Variants in FGGY observed in about 807,000 individuals in gnomAD.
The protein encoded by FGGY is FGGY carbohydrate kinase domain containing.
In FGGY, 72 loss-of-function variants were observed where a neutral mutation model predicts 71.3. The observed-to-expected ratio is 1.01, with a 90% CI of 0.84 to 1.23. The LOEUF is 1.23. Among genes scored for constraint, FGGY ranks in the 50% most tolerant of loss-of-function variants. FGGY has a pLI of 0.00. For missense variants in FGGY, 668 were observed against 682.3 expected (o/e 0.98, Z 0.23); for synonymous variants, 251 against 250.3 (o/e 1.00, Z -0.02).
intron 11 of FGGY, among the ~76,000 whole-genome samples, chr1:59,639,349 T>C (rs748133272): frequency 6.6e-6 from 1 of 152,222 alleles, no homozygotes; most frequent in Non-Finnish European, 1.5e-5. Context: ...CATTACCTAG[T>C]TGACATGATC....
chr1:59,384,948 T>G (rs1293350505), intron 5 of FGGY, among the ~76,000 whole-genome samples: 2 of 152,134 alleles, frequency 1.3e-5, no homozygotes, highest in Admixed American at 1.3e-4. Context: ...GAGATTGAAA[T>G]TTGGTGTTTA....
chr1:59,723,291 T>G (rs556388856), intron 14 of FGGY, among the ~76,000 whole-genome samples: 22 of 152,224 alleles, frequency 1.4e-4, no homozygotes, highest in African/African-American at 5.1e-4. Context: ...CTTTTTGATA[T>G]TAAGCTAAAC....
chr1:59,585,532 A>G (rs1209817701), intron 8 of FGGY, among the ~76,000 whole-genome samples: 1 of 152,240 alleles, frequency 6.6e-6, no homozygotes, highest in Non-Finnish European at 1.5e-5. Context: ...AAATGGATTA[A>G]AGACTTAAAT....
At chr1:59,353,006 C>G (rs1445604538) in intron 4 of FGGY, among the ~76,000 whole-genome samples, 2 of 152,100 alleles carry the variant, frequency 1.3e-5, no homozygotes, top group Non-Finnish European at 2.9e-5. Flanking sequence ...TTAATAGTAG[C>G]ACTAATACAA....
chr1:59,746,335 A>G (rs1466262251), intron 14 of FGGY, among the ~76,000 whole-genome samples: 3 of 152,174 alleles, frequency 2.0e-5, no homozygotes, highest in Non-Finnish European at 4.4e-5. Flanking sequence ...ACCTTCCCCA[A>G]CCCACCTGAA....
chr1:59,423,077 T>C (rs1245868214), intron 5 of FGGY, among the ~76,000 whole-genome samples: 2 of 152,136 alleles, frequency 1.3e-5, no homozygotes, highest in Non-Finnish European at 2.9e-5. Context: ...TCCAGAGGAT[T>C]GTGTAGCAGG....
At chr1:59,434,919 G>A (rs1036489506) in intron 5 of FGGY, among the ~76,000 whole-genome samples, 4 of 152,158 alleles carry the variant, frequency 2.6e-5, no homozygotes, top group Non-Finnish European at 5.9e-5. Flanking sequence ...CTCTGCATCA[G>A]CTAAACAAAA....
chr1:59,323,760 A>G (rs2046827883), intron 2 of FGGY, among the ~76,000 whole-genome samples: 1 of 152,220 alleles, frequency 6.6e-6, no homozygotes, highest in African/African-American at 2.4e-5. Context: ...TGTTGTGAGG[A>G]TTAAATGAAT....
chr1:59,472,049 C>T lies in FGGY; in HGVS notation c.670+14973C>T, dbSNP rs551264368. 2.0e-4 allele frequency among the ~76,000 whole-genome samples: 30 copies of T among 152,380 alleles called. No individual in the cohort carries two copies. In the East Asian group the frequency reaches 3.5e-3, roughly 18 times the overall value. On this transcript the variant is annotated intron_variant, in intron 6 of 15. Coordinates refer to ENST00000303721, the MANE Select transcript of FGGY (RefSeq NM_018291.5). Reference sequence around the variant, plus strand: ...TTGGCGGCACTTGAGCCCTTCAGCCCGCCGCTGCACTGTGGGAGCCCCTTT... The same window carrying T: ...TTGGCGGCACTTGAGCCCTTCAGCCTGCCGCTGCACTGTGGGAGCCCCTTT...
chr1:59,636,348 G>A (rs1041572274), intron 10 of FGGY, among the ~76,000 whole-genome samples: 6 of 152,170 alleles, frequency 3.9e-5, no homozygotes, highest in African/African-American at 1.4e-4. Context: ...CTGGACGGGT[G>A]TGGTGGCTCA....
At chr1:59,585,347 G>C (rs915446517) in intron 8 of FGGY, among the ~76,000 whole-genome samples, 1 of 152,114 alleles carries the variant, frequency 6.6e-6, no homozygotes, top group Non-Finnish European at 1.5e-5. Flanking sequence ...ACAGAACAGA[G>C]CCCTCAGAAA....
intron 11 of FGGY, among the ~76,000 whole-genome samples, chr1:59,642,960 G>A (rs560389712): frequency 4.6e-5 from 7 of 151,148 alleles, no homozygotes; most frequent in Admixed American, 3.3e-4. Context: ...GCGAGAACCT[G>A]GGGGGTGGAG....
chr1:59,536,269 A>G lies in FGGY; in HGVS notation c.800-17855A>G, dbSNP rs554854359. On this transcript the variant is annotated intron_variant, in intron 7 of 15. Transcript: ENST00000303721. ...TCCTCGACACATACACTTTCCCAAG[A>G]CTAAACCAGGAAGAAGTTGAATCTC... Among the ~76,000 whole-genome samples the G allele has an allele frequency of 1.7e-3, 264 of 152,284 alleles. 1 individual carries two copies. The highest frequency in any genetic ancestry group is 3.4e-3 in the Middle Eastern group (1 of 294).
intron 11 of FGGY, among the ~76,000 whole-genome samples, chr1:59,650,486 T>C (rs1297616620): frequency 9.5e-6 from 1 of 105,442 alleles, no homozygotes; most frequent in Non-Finnish European, 1.8e-5. Context: ...TGGGAAGGTG[T>C]ATGTGTCCAG....
At chr1:59,664,700 G>A (rs142334754) in intron 12 of FGGY, among the ~76,000 whole-genome samples, 30 of 152,310 alleles carry the variant, frequency 2.0e-4, no homozygotes, top group African/African-American at 7.0e-4. Context: ...CTATTAAAGT[G>A]CATAGCAGAG....
At chr1:59,337,879 G>C (rs1292518046) in intron 2 of FGGY, among the ~76,000 whole-genome samples, 1 of 152,150 alleles carries the variant, frequency 6.6e-6, no homozygotes, top group African/African-American at 2.4e-5. Context: ...GCAATGGCTA[G>C]AAGCTCAAGT....
intron 5 of FGGY, among the ~76,000 whole-genome samples, chr1:59,390,054 T>G (rs933694150): frequency 7.9e-5 from 12 of 152,292 alleles, no homozygotes; most frequent in African/African-American, 2.6e-4. Flanking sequence ...AGAACAGTGG[T>G]ATTTAAAGCA....
chr1:59,529,915 T>G (rs1277405203), intron 7 of FGGY, among the ~76,000 whole-genome samples: 1 of 152,242 alleles, frequency 6.6e-6, no homozygotes. Flanking sequence ...TTGATGTTCT[T>G]TATATTCTTC....
intron 11 of FGGY, among the ~76,000 whole-genome samples, chr1:59,647,277 G>A (rs2097104080): frequency 1.3e-5 from 2 of 152,204 alleles, no homozygotes; most frequent in African/African-American, 4.8e-5. Flanking sequence ...AACAGTATAT[G>A]AGCATATCAA....
Sources: gnomAD v4.1 joint callset for allele counts (sites outside exome capture counted in the v4.1 genomes callset) on GRCh38, gnomAD v4.1.1 for gene constraint, MANE v1.5 for transcripts, NCBI Gene and HGNC (gene_info 2026-07-23, HGNC 2026-07-21) for gene names.